Variants in UNC80 observed in about 807,000 individuals in gnomAD.
UNC80 encodes the protein unc-80 subunit of NALCN channel complex.
Under a neutral mutation model 384.6 loss-of-function variants are expected in UNC80, and 164 were observed. The ratio of observed to expected loss-of-function variants is 0.43; its 90% CI spans 0.38 to 0.49. The LOEUF (loss-of-function observed/expected upper bound fraction) is 0.49. Ranked by LOEUF, UNC80 falls within the 20% of genes least tolerant of loss-of-function variation. The pLI, the probability that UNC80 is intolerant of heterozygous loss-of-function variation, is 0.00. For missense variants in UNC80, 3,330 were observed against 4,143.0 expected, an observed-to-expected ratio of 0.80 and a Z score of 5.39; for synonymous variants, 1,486 against 1,527.8, an observed-to-expected ratio of 0.97 and a Z score of 0.64.
At chr2:209,981,945 T>A (rs1166999683) in intron 59 of UNC80, among the ~76,000 whole-genome samples, 3 of 152,226 alleles carry the variant, frequency 2.0e-5, no homozygotes, top group Non-Finnish European at 4.4e-5. Context: ...TTACATTTAT[T>A]TCATGAAGGA....
At chr2:209,808,738 C>T (rs571771955) in intron 7 of UNC80, 4 of 47,028 alleles carry the variant, frequency 8.5e-5, no homozygotes, top group Admixed American at 4.2e-4. Flanking sequence ...CTCCAAGGCT[C>T]GGCCTAGTGA....
intron 15 of UNC80, among the ~76,000 whole-genome samples, chr2:209,831,078 G>A (rs747093392): frequency 7.9e-5 from 12 of 151,988 alleles, no homozygotes; most frequent in Non-Finnish European, 1.5e-4. Flanking sequence ...CTCCATTGAG[G>A]GGTTATTTAG....
At chr2:209,863,316 G>A (rs753147588) in intron 22 of UNC80, among the ~76,000 whole-genome samples, 6 of 152,040 alleles carry the variant, frequency 3.9e-5, no homozygotes, top group African/African-American at 7.2e-5. Flanking sequence ...GTGTCTTGAG[G>A]TTGATCTTCT....
At chr2:209,963,983 T>G (rs2092672516) in intron 51 of UNC80, among the ~76,000 whole-genome samples, 1 of 152,228 alleles carries the variant, frequency 6.6e-6, no homozygotes, top group African/African-American at 2.4e-5. Flanking sequence ...TTTCTATCCA[T>G]GGAGCCAGTC....
chr2:209,959,500 A>C lies in UNC80; in HGVS notation c.7598A>C (p.His2533Pro). ...AKLHFIRENL[H>P]LLEEGQGIPR... Reference sequence around the variant, plus strand: ...TCACAATTTCCCAGGGAAAACCTTCATTTACTGGAGGAAGGGCAAGGCATT... The same window carrying C: ...TCACAATTTCCCAGGGAAAACCTTCCTTTACTGGAGGAAGGGCAAGGCATT... Residue 2533 changes from histidine (H) to proline (P), a missense_variant, in exon 51 of 65, where the codon CAT becomes CCT. Around this residue, in one of 8 missense-constraint regions of UNC80, gnomAD observed 1,049 missense variants for 1,488.6 expected, o/e 0.70. Transcript: ENST00000673920. 1 of 1,551,646 alleles carries C rather than the reference A, an allele frequency of 6.4e-7. No individual in the cohort carries two copies. Among genetic ancestry groups the C allele is most frequent in the Non-Finnish European group, 8.7e-7 (1 of 1,146,954 alleles).
chr2:209,841,266 C>T (rs1432823151), intron 20 of UNC80, among the ~76,000 whole-genome samples: 2 of 152,084 alleles, frequency 1.3e-5, no homozygotes, highest in Non-Finnish European at 1.5e-5. Context: ...AAATTATTTG[C>T]TTGCATTCTT....
In UNC80 at chr2:209,792,949, C is replaced by T. The variant is rs917254221; in HGVS notation, c.799-771C>T. ...TTATGCTAAAGAATTTTATGGTCAA[C>T]TTCAGAAGACTTAATTCATGAAATT... On this transcript the variant is annotated intron_variant, in intron 6 of 64. Coordinates refer to ENST00000673920, the MANE Select transcript of UNC80 (RefSeq NM_001371986.1). Among the ~76,000 whole-genome samples the T allele has an allele frequency of 3.3e-5, 5 of 152,248 alleles. No individual in the cohort carries two copies. The East Asian group carries it at 9.7e-4, about 29-fold the overall frequency.
In UNC80 at chr2:209,957,745, CT is replaced by C. The variant is rs1353065889; in HGVS notation, c.7550+10del. 1 of 1,551,074 alleles carries C rather than the reference CT, an allele frequency of 6.4e-7. No homozygotes were observed. The highest frequency in any genetic ancestry group is 8.7e-7 in the Non-Finnish European group (1 of 1,146,640). On this transcript the variant is annotated intron_variant, in intron 49 of 64. Transcript: ENST00000673920. ...TCTGGGGTGAACACCAGGTAATTCACTGCGCCTTATTCTTCTATGGTCTCTC... is the reference window on the plus strand; with the variant it reads ...TCTGGGGTGAACACCAGGTAATTCACGCGCCTTATTCTTCTATGGTCTCTC...
At chr2:209,912,750 C>A in intron 30 of UNC80, 83 bp downstream of exon 30, 1 of 907,992 alleles carries the variant, frequency 1.1e-6, no homozygotes, top group Non-Finnish European at 1.7e-6. Flanking sequence ...ATGTTTGGGA[C>A]ATACAACATC....
chr2:209,826,956 T>C (rs987652144), intron 14 of UNC80, among the ~76,000 whole-genome samples: 1 of 152,160 alleles, frequency 6.6e-6, no homozygotes, highest in African/African-American at 2.4e-5. Context: ...AGTATTAGCA[T>C]GCTGGGTTTC....
Position 209,853,506 on chromosome 2 carries a change from G to A in UNC80, c.3627+3883G>A, listed in dbSNP as rs754008908. ...GATAATTGATTCAATTTTAAGTCCA[G>A]TACAGCTTTTCCTCACAATCTTTCT... On this transcript the variant is annotated intron_variant, in intron 22 of 64. Coordinates refer to ENST00000673920, the MANE Select transcript of UNC80 (RefSeq NM_001371986.1). Among the ~76,000 whole-genome samples the A allele has an allele frequency of 7.9e-5, 12 of 151,962 alleles. No individual in the cohort carries two copies. The East Asian group carries it at 1.5e-3, about 20-fold the overall frequency.
At position 209,777,262 on chromosome 2, in the gene UNC80, C is replaced by T. The variant is rs1192016236; in HGVS notation, c.303C>T (p.His101=). ...TLLSNRNKLG[H]QDKLGVAETK... ...CTGTGTAATTGTCCCATGCAGGCCA[C>T]CAGGATAAATTGGGTGTTGCTGAGA... The change falls in exon 4 of 65, where the codon CAC becomes CAT. Residue 101 remains histidine (H), a synonymous_variant. Coordinates refer to ENST00000673920, the MANE Select transcript of UNC80 (RefSeq NM_001371986.1). 6.3e-7 allele frequency: 1 copy of T among 1,587,880 alleles called. No individual in the cohort carries two copies. Among genetic ancestry groups the T allele is most frequent in the South Asian group, 1.2e-5 (1 of 86,888 alleles).
chr2:209,826,945 C>G (rs1176776574), intron 14 of UNC80, among the ~76,000 whole-genome samples: 1 of 152,126 alleles, frequency 6.6e-6, no homozygotes, highest in African/African-American at 2.4e-5. Flanking sequence ...AATGTTCACA[C>G]AGTATTAGCA....
chr2:209,772,189 CGGGCCGCCCTGGGCTGGGGGCGCTCCTG>C (rs1246148472), intron 1 of UNC80, 25 bp downstream of exon 1: 1 of 1,513,698 alleles, frequency 6.6e-7, no homozygotes, highest in African/African-American at 1.4e-5. Context: ...GGGCGCACCG[CGGGCCGCCCTGGGCTGGGGGCGCTCCTG>C]GGGCCGCCCG....
intron 64 of UNC80, 50 bp downstream of exon 64, chr2:209,994,314 C>A: frequency 6.8e-7 from 1 of 1,461,970 alleles, no homozygotes; most frequent in Non-Finnish European, 9.1e-7. Context: ...GTACTTACTT[C>A]TAGCAGCCAC....
At chr2:209,910,025 G>C (rs368742845) in intron 29 of UNC80, among the ~76,000 whole-genome samples, 8 of 148,560 alleles carry the variant, frequency 5.4e-5, no homozygotes, top group African/African-American at 2.0e-4. Flanking sequence ...TGAAGAGTTT[G>C]AATTTCACTG....
intron 7 of UNC80, among the ~76,000 whole-genome samples, chr2:209,808,519 G>A (rs1466002738): frequency 4.1e-5 from 5 of 122,526 alleles, no homozygotes; most frequent in Admixed American, 8.3e-5. Context: ...CCGATATCGC[G>A]CCACTAAAAA....
chr2:209,795,694 G>T (rs2078109996), intron 7 of UNC80: 1 of 152,258 alleles, frequency 6.6e-6, no homozygotes, highest in African/African-American at 2.4e-5. Context: ...TACAGCTCAG[G>T]ATGTGACTTC....
chr2:209,779,590 G>T (rs2077044860), intron 4 of UNC80, among the ~76,000 whole-genome samples: 1 of 152,174 alleles, frequency 6.6e-6, no homozygotes, highest in Admixed American at 6.5e-5. Flanking sequence ...AAGGGAGTCT[G>T]CCTGTCCTGG....
Sources: gnomAD v4.1 joint callset for allele counts (sites outside exome capture counted in the v4.1 genomes callset) on GRCh38, gnomAD v4.1.1 for gene constraint, gnomAD v4.1.1 regional missense constraint, MANE v1.5 for transcripts, NCBI Gene and HGNC (gene_info 2026-07-23, HGNC 2026-07-21) for gene names.